The following PBK variants were observed in gnomAD, a reference collection of about 807,000 sequenced individuals.
PBK encodes the protein PDZ binding kinase.
A neutral mutation model predicts 33.5 loss-of-function variants in PBK; 22 were observed. That is an observed-to-expected ratio of 0.66 (90% CI 0.47 to 0.94). The LOEUF (loss-of-function observed/expected upper bound fraction) is 0.94, where lower values mean the gene tolerates loss of function less well. PBK is among the 40% of genes least tolerant of loss of function. The pLI is 0.00. For synonymous variants in PBK, 129 were observed against 123.8 expected (o/e 1.04, Z -0.28); for missense variants, 376 against 383.4 (o/e 0.98, Z 0.16).
intron 6 of PBK, among the ~76,000 whole-genome samples, chr8:27,813,671 C>T (rs1011558130): frequency 7.5e-5 from 11 of 147,642 alleles, no homozygotes; most frequent in Middle Eastern, 6.9e-3. Flanking sequence ...CAGCAAATCT[C>T]AAGTGTACAG....
At chr8:27,816,525 C>T (rs979222208) in intron 6 of PBK, among the ~76,000 whole-genome samples, 1 of 151,310 alleles carries the variant, frequency 6.6e-6, no homozygotes, top group Non-Finnish European at 1.5e-5. Context: ...TACAGCTGCC[C>T]GCCACCACGC....
At chr8:27,832,817 A>G (rs1806154545) in intron 2 of PBK, among the ~76,000 whole-genome samples, 1 of 152,184 alleles carries the variant, frequency 6.6e-6, no homozygotes, top group South Asian at 2.1e-4. Flanking sequence ...GGGTCAAGCT[A>G]AGTTGATTCT....
intron 2 of PBK, 106 bp downstream of exon 2, chr8:27,832,949 TA>T (rs1300649821): frequency 1.5e-6 from 1 of 652,846 alleles, no homozygotes; most frequent in Non-Finnish European, 2.6e-6. Flanking sequence ...GGAGTTACAT[TA>T]AAGTTTCTAA....
chr8:27,813,621 C>T (rs1430753672), intron 6 of PBK, among the ~76,000 whole-genome samples: 1 of 152,072 alleles, frequency 6.6e-6, no homozygotes, highest in Non-Finnish European at 1.5e-5. Context: ...CATATAGTTA[C>T]CATTTTTTTG....
intron 2 of PBK, among the ~76,000 whole-genome samples, chr8:27,829,992 C>T (rs1041839445): frequency 5.3e-5 from 8 of 151,928 alleles, no homozygotes; most frequent in Admixed American, 5.2e-4. Context: ...CACTTGAGGC[C>T]AGGAGTTCAA....
chr8:27,822,869 A>G (rs1937582690), intron 4 of PBK, among the ~76,000 whole-genome samples, 194 bp downstream of exon 4: 1 of 152,148 alleles, frequency 6.6e-6, no homozygotes, highest in Non-Finnish European at 1.5e-5. Flanking sequence ...GTTCTCATGA[A>G]GTTTATATAC....
At chr8:27,833,998 A>G (rs939609183) in intron 1 of PBK, among the ~76,000 whole-genome samples, 1 of 151,946 alleles carries the variant, frequency 6.6e-6, no homozygotes, top group Admixed American at 6.6e-5. Flanking sequence ...GAAAGAAGCC[A>G]GACACATAAA....
chr8:27,837,256 C>CGGG (rs1806244240), intron 1 of PBK, among the ~76,000 whole-genome samples: 1 of 152,176 alleles, frequency 6.6e-6, no homozygotes, highest in African/African-American at 2.4e-5. Flanking sequence ...ACGTCAGTGA[C>CGGG]CTTTGGGCCC....
At chr8:27,824,920 A>C (rs1805997357) in intron 3 of PBK, among the ~76,000 whole-genome samples, 1 of 152,234 alleles carries the variant, frequency 6.6e-6, no homozygotes, top group Non-Finnish European at 1.5e-5. Flanking sequence ...AACTTGATTT[A>C]ACAAAAAAAA....
intron 3 of PBK, among the ~76,000 whole-genome samples, chr8:27,823,900 C>A (rs1563492780): frequency 6.6e-6 from 1 of 151,978 alleles, no homozygotes; most frequent in Non-Finnish European, 1.5e-5. Context: ...TAGAGCAAAT[C>A]ACAAAATACT....
At position 27,831,508 on chromosome 8, in the gene PBK, TA is replaced by T. The variant is rs1204214110; in HGVS notation, c.58+1547del. 7.2e-5 allele frequency among the ~76,000 whole-genome samples: 8 copies of T among 111,100 alleles called. No homozygotes were observed. In the East Asian group the frequency reaches 3.2e-3, roughly 44 times the overall value. 72.9% of individuals were successfully genotyped at this position (111,100 alleles called of 152,430 possible). A position where few individuals can be genotyped will look rare whatever the true frequency, so the allele number is the denominator to read the frequency against. On this transcript the variant is annotated intron_variant, in intron 2 of 7. Coordinates refer to ENST00000301905, the MANE Select transcript of PBK (RefSeq NM_018492.4). ...AACTTCAACTCTCTTCTCTCATAAT[TA>T]ATATAAAAAGTATACAGAATATCAT...
At chr8:27,830,875 T>C (rs1018640959) in intron 2 of PBK, among the ~76,000 whole-genome samples, 2 of 152,056 alleles carry the variant, frequency 1.3e-5, no homozygotes, top group Admixed American at 1.3e-4. Context: ...GAGTAAAGGG[T>C]TGAAAAACAT....
At chr8:27,811,163 A>G (rs1040674732) in intron 6 of PBK, 29 bp from the exon 7 acceptor site, 1 of 1,610,984 alleles carries the variant, frequency 6.2e-7, no homozygotes, top group Non-Finnish European at 8.5e-7. Flanking sequence ...TTATGAAGGC[A>G]GGAGCTACAA....
At chr8:27,830,205 G>GAAAAAA (rs35191143) in intron 2 of PBK, among the ~76,000 whole-genome samples, 2 of 92,936 alleles carry the variant, frequency 2.2e-5, no homozygotes, top group South Asian at 3.5e-4. Context: ...TCTGTCTCAA[G>GAAAAAA]AAAAAAAAAA....
chr8:27,827,453 A>T (rs1027737740), intron 3 of PBK, among the ~76,000 whole-genome samples: 1 of 152,222 alleles, frequency 6.6e-6, no homozygotes, highest in Non-Finnish European at 1.5e-5. Flanking sequence ...AGGCTGAGGC[A>T]GGAGAAGCGC....
At chr8:27,814,083 G>A (rs1805762312) in intron 6 of PBK, among the ~76,000 whole-genome samples, 1 of 152,098 alleles carries the variant, frequency 6.6e-6, no homozygotes, top group Non-Finnish European at 1.5e-5. Context: ...AACAGACTGG[G>A]CAGAGGTCCT....
chr8:27,823,259 T>C (rs866610117), intron 3 of PBK, 54 bp from the exon 4 acceptor site: 13 of 1,156,096 alleles, frequency 1.1e-5, no homozygotes, highest in Non-Finnish European at 1.5e-5. Flanking sequence ...CACAATACTT[T>C]TTAAAATGAC....
intron 6 of PBK, among the ~76,000 whole-genome samples, chr8:27,815,265 T>C (rs1805787878): frequency 6.6e-6 from 1 of 152,212 alleles, no homozygotes; most frequent in Non-Finnish European, 1.5e-5. Flanking sequence ...CAAGCACTCA[T>C]TTATTCCGTT....
intron 2 of PBK, among the ~76,000 whole-genome samples, chr8:27,830,592 C>T (rs147537099): frequency 2.6e-5 from 4 of 152,358 alleles, no homozygotes; most frequent in African/African-American, 9.6e-5. Context: ...ATGTCTATAT[C>T]TGTGCTGTCT....
Sources: gnomAD v4.1 joint callset for allele counts (sites outside exome capture counted in the v4.1 genomes callset) on GRCh38, gnomAD v4.1.1 for gene constraint, MANE v1.5 for transcripts, NCBI Gene and HGNC (gene_info 2026-07-23, HGNC 2026-07-21) for gene names.